Variants in MIA2 observed in about 807,000 individuals in gnomAD.
MIA2 encodes MIA SH3 domain ER export factor 2, also known as melanoma inhibitory activity protein 2.
Under a neutral mutation model 167.8 loss-of-function variants are expected in MIA2, and 127 were observed. That is an observed-to-expected ratio of 0.76 (90% CI 0.66 to 0.88). MIA2 has a LOEUF of 0.88. MIA2 is among the 40% of genes least tolerant of loss of function. The pLI is 0.00. For synonymous variants in MIA2, 552 were observed against 541.9 expected (o/e 1.02, Z -0.26); for missense variants, 1,690 against 1,624.7 (o/e 1.04, Z -0.69).
At chr14:39,386,439 T>C in intron 23 of MIA2, 1 of 1,546,894 alleles carries the variant, frequency 6.5e-7, no homozygotes, top group South Asian at 1.1e-5. Context: ...GCAGAACCTT[T>C]TGGAGAACTA....
At chr14:39,280,947 C>A (rs1374687639) in intron 9 of MIA2, among the ~76,000 whole-genome samples, 3 of 22,492 alleles carry the variant, frequency 1.3e-4, no homozygotes, top group African/African-American at 2.0e-3. Context: ...GAGACAGCGT[C>A]TCTCTCTCTC....
chr14:39,340,822 A>C (rs533506968), intron 25 of MIA2, among the ~76,000 whole-genome samples: 2 of 152,314 alleles, frequency 1.3e-5, no homozygotes, highest in Admixed American at 6.5e-5. Context: ...TATTCAGTTG[A>C]TAAATTGCCA....
intron 23 of MIA2, among the ~76,000 whole-genome samples, chr14:39,382,053 A>T (rs2075176014): frequency 6.6e-6 from 1 of 152,198 alleles, no homozygotes; most frequent in South Asian, 2.1e-4. Flanking sequence ...AGAAGCAGGA[A>T]AAAAACTCAA....
At chr14:39,349,935 C>T (rs73279340) in intron 28 of MIA2, among the ~76,000 whole-genome samples, 163 bp from the exon 29 acceptor site, 16 of 151,912 alleles carry the variant, frequency 1.1e-4, no homozygotes, top group Admixed American at 2.6e-4. Flanking sequence ...TGAAGAGGTA[C>T]GTTTTTCTCA....
intron 13 of MIA2, among the ~76,000 whole-genome samples, chr14:39,299,278 C>G (rs1057374032): frequency 7.1e-6 from 1 of 140,118 alleles, no homozygotes; most frequent in Non-Finnish European, 1.5e-5. Context: ...TGTGGAGAAT[C>G]TGATCTGTTC....
intron 13 of MIA2, 69 bp downstream of exon 13, chr14:39,295,098 C>G: frequency 9.5e-7 from 1 of 1,055,736 alleles, no homozygotes; most frequent in Non-Finnish European, 1.5e-6. Flanking sequence ...ATCCTCATGA[C>G]TGACCCATGC....
chr14:39,315,367 T>C (rs975330598), intron 20 of MIA2: 1 of 216,722 alleles, frequency 4.6e-6, no homozygotes, highest in Non-Finnish European at 8.9e-6. Flanking sequence ...GAAGGTAGAT[T>C]GCATCACATA....
At chr14:39,250,074 CTTG>C (rs1021264484) in intron 4 of MIA2, among the ~76,000 whole-genome samples, 3 of 152,214 alleles carry the variant, frequency 2.0e-5, no homozygotes, top group African/African-American at 7.2e-5. Flanking sequence ...GGTAAATTCT[CTTG>C]TTCTAAACTT....
chr14:39,313,365 C>T lies in MIA2; in HGVS notation c.3043C>T (p.Arg1015Trp), dbSNP rs78488913. The change falls in exon 19 of 29, where the codon CGG (arginine) becomes TGG (tryptophan). Residue 1015 changes from arginine (R) to tryptophan (W), a missense_variant. Physicochemically the swap from Arg to Trp is moderately radical, Grantham distance 101. Transcript: ENST00000640607. ...HRKLTVEENY[R>W]LEKEEKLSKV... is the part of the protein sequence containing the mutation. ...GAAATTAACAGTAGAGGAAAATTAT[C>T]GGTTAGAGAAAGAAGAGAAACTTTC... The T allele has an allele frequency of 5.2e-4, 827 of 1,593,682 alleles. No homozygotes were observed. The highest frequency in any genetic ancestry group is 6.5e-4 in the Non-Finnish European group (755 of 1,169,556).
chr14:39,266,626 A>G, intron 6 of MIA2: 21 of 985,464 alleles, frequency 2.1e-5, no homozygotes, highest in Non-Finnish European at 2.5e-5. Flanking sequence ...TAAAGTCCAA[A>G]GTCCGGACGT....
intron 27 of MIA2, 112 bp downstream of exon 27, chr14:39,347,883 G>A (rs967471522): frequency 1.5e-5 from 15 of 974,532 alleles, no homozygotes; most frequent in African/African-American, 7.1e-5. Flanking sequence ...GTGCAGTGGC[G>A]CTATCTCGGC....
chr14:39,263,670 C>T (rs2055257026), intron 6 of MIA2, among the ~76,000 whole-genome samples: 1 of 139,730 alleles, frequency 7.2e-6, no homozygotes, highest in African/African-American at 2.8e-5. Flanking sequence ...TTCACTCAGT[C>T]ACCGAGGCTG....
intron 6 of MIA2, chr14:39,276,640 C>T (rs1220666732): frequency 7.2e-6 from 2 of 277,244 alleles, no homozygotes; most frequent in Non-Finnish European, 1.4e-5. Flanking sequence ...GTAAGAGTAC[C>T]TGAACCCTAG....
intron 23 of MIA2, among the ~76,000 whole-genome samples, chr14:39,382,884 TAAC>T (rs1412201715): frequency 7.1e-6 from 1 of 140,296 alleles, no homozygotes; most frequent in South Asian, 2.2e-4. Flanking sequence ...TTAGGTACAA[TAAC>T]AAGATAAGAA....
intron 7 of MIA2, among the ~76,000 whole-genome samples, chr14:39,278,005 C>G (rs1845067974): frequency 6.6e-6 from 1 of 151,398 alleles, no homozygotes; most frequent in Admixed American, 6.6e-5. Context: ...CAGGATTTCA[C>G]TCCTGTCACC....
rs202143576 is a variant in MIA2, at chr14:39,348,924, G to A, written c.4019G>A (p.Arg1340Gln). Residue 1340 changes from arginine to glutamine, a missense_variant, in exon 28 of 29, where the codon CGA (arginine) becomes CAA (glutamine). Coordinates refer to ENST00000640607, the MANE Select transcript of MIA2 (RefSeq NM_001329214.4). ...CCAGGAGCCATGTTTGGAGCTTCTC[G>A]AGATTATTTTCCACCAGGGGATTTC... ...PPPGAMFGAS[R>Q]DYFPPGDFPG... The A allele has an allele frequency of 8.1e-6, 13 of 1,613,938 alleles. No homozygotes were observed. The highest frequency in any genetic ancestry group is 1.3e-5 in the African/African-American group (1 of 74,910).
At chr14:39,366,492 A>C (rs2074825542) in intron 23 of MIA2, among the ~76,000 whole-genome samples, 1 of 152,184 alleles carries the variant, frequency 6.6e-6, no homozygotes, top group South Asian at 2.1e-4. Context: ...GCCAGTTCCC[A>C]GGCCCTCAGG....
At chr14:39,264,411 G>A (rs2055323371) in intron 6 of MIA2, among the ~76,000 whole-genome samples, 1 of 152,180 alleles carries the variant, frequency 6.6e-6, no homozygotes, top group African/African-American at 2.4e-5. Flanking sequence ...GAACATGAGA[G>A]TGCACGTGTC....
intron 6 of MIA2, among the ~76,000 whole-genome samples, chr14:39,256,687 C>T (rs1193196802): frequency 1.3e-5 from 2 of 151,836 alleles, no homozygotes; most frequent in African/African-American, 4.8e-5. Context: ...GGAATCAGCA[C>T]TACTGAAAAC....
Sources: gnomAD v4.1 joint callset for allele counts (sites outside exome capture counted in the v4.1 genomes callset) on GRCh38, gnomAD v4.1.1 for gene constraint, MANE v1.5 for transcripts, NCBI Gene and HGNC (gene_info 2026-07-23, HGNC 2026-07-21) for gene names.